GDPD5: variants seen among roughly 807,000 people sequenced by gnomAD.
GDPD5 encodes glycerophosphodiester phosphodiesterase domain containing 5.
Under a neutral mutation model 75.1 loss-of-function variants are expected in GDPD5, and 48 were observed. The observed-to-expected ratio is 0.64, with a 90% CI of 0.51 to 0.81. The LOEUF is 0.81. GDPD5 is among the 40% of genes least tolerant of loss of function. The probability of loss-of-function intolerance (pLI) is 0.00; values close to 1 mark genes in which losing one functional copy is unlikely to be tolerated. For synonymous variants in GDPD5, 336 were observed against 339.0 expected, an observed-to-expected ratio of 0.99 and a Z score of 0.10; for missense variants, 706 against 822.6, an observed-to-expected ratio of 0.86 and a Z score of 1.73.
intron 1 of GDPD5, among the ~76,000 whole-genome samples, chr11:75,511,252 T>C (rs561283722): frequency 6.6e-6 from 1 of 152,350 alleles, no homozygotes; most frequent in East Asian, 1.9e-4. Flanking sequence ...AATGCAGTCC[T>C]GGGCCAGGAA....
chr11:75,501,408 A>T (rs1393941965), intron 1 of GDPD5, among the ~76,000 whole-genome samples: 1 of 152,244 alleles, frequency 6.6e-6, no homozygotes, highest in Admixed American at 6.5e-5. Context: ...GACACAGGTG[A>T]CATGAGTGGG....
chr11:75,494,368 C>A (rs963850353), intron 1 of GDPD5, among the ~76,000 whole-genome samples: 1 of 151,984 alleles, frequency 6.6e-6, no homozygotes, highest in African/African-American at 2.4e-5. Context: ...CAGGCATGTG[C>A]CACCATGCCC....
intron 3 of GDPD5, among the ~76,000 whole-genome samples, chr11:75,473,313 C>T (rs985574237): frequency 2.6e-5 from 4 of 152,046 alleles, no homozygotes; most frequent in Non-Finnish European, 5.9e-5. Flanking sequence ...TACTCTCACT[C>T]GCTCCTGGGG....
intron 1 of GDPD5, among the ~76,000 whole-genome samples, chr11:75,513,821 A>G (rs1199342818): frequency 1.3e-5 from 2 of 152,186 alleles, no homozygotes; most frequent in African/African-American, 2.4e-5. Context: ...CTAGACCAGG[A>G]GACCACCTGG....
chr11:75,446,962 C>A (rs1227727950), intron 9 of GDPD5, among the ~76,000 whole-genome samples: 1 of 152,130 alleles, frequency 6.6e-6, no homozygotes, highest in East Asian at 1.9e-4. Flanking sequence ...CGGCTCGCTG[C>A]AACCTCCGCC....
rs992941340 is a variant in GDPD5 at position 75,478,628 on chromosome 11, G to C, written c.-60-833C>G. 3.3e-5 allele frequency among the ~76,000 whole-genome samples: 5 copies of C among 152,190 alleles called. No homozygotes were observed. In the East Asian group the frequency reaches 9.6e-4, roughly 29 times the overall value. On this transcript the variant is annotated intron_variant, in intron 2 of 16. Transcript: ENST00000336898. ...ATAATGCAGTTTTCATGAAGGCAAG[G>C]ATTTTTGTCTGTTGTATTTTCTGCT...
At chr11:75,516,604 G>A (rs1047423866) in intron 1 of GDPD5, among the ~76,000 whole-genome samples, 5 of 152,202 alleles carry the variant, frequency 3.3e-5, no homozygotes, top group Admixed American at 1.3e-4. Flanking sequence ...TGGGAGACAG[G>A]GAGCGTGGAC....
At chr11:75,449,181 G>C in intron 8 of GDPD5, 59 bp from the exon 9 acceptor site, 3 of 1,517,910 alleles carry the variant, frequency 2.0e-6, no homozygotes, top group Non-Finnish European at 2.7e-6. Context: ...GGGGTGCAAT[G>C]CTGGACCCCT....
intron 1 of GDPD5, among the ~76,000 whole-genome samples, chr11:75,500,596 C>A (rs1950288433): frequency 1.3e-5 from 2 of 152,292 alleles, no homozygotes; most frequent in Admixed American, 1.3e-4. Flanking sequence ...TCATCCACCC[C>A]ACGGTTTCAA....
intron 1 of GDPD5, among the ~76,000 whole-genome samples, chr11:75,514,636 C>T (rs1242692877): frequency 6.6e-6 from 1 of 152,230 alleles, no homozygotes; most frequent in Admixed American, 6.5e-5. Context: ...AAAATCAACA[C>T]CTGGTCACCC....
chr11:75,468,018 G>C (rs534827950), intron 3 of GDPD5, among the ~76,000 whole-genome samples: 36 of 152,322 alleles, frequency 2.4e-4, no homozygotes, highest in African/African-American at 6.7e-4. Flanking sequence ...TACAGTCACA[G>C]AGCACGACTG....
intron 1 of GDPD5, among the ~76,000 whole-genome samples, chr11:75,514,923 GT>G (rs755333291): frequency 3.9e-5 from 6 of 152,206 alleles, no homozygotes; most frequent in Non-Finnish European, 7.3e-5. Context: ...AGCCTGGAAG[GT>G]AAGTGTTGCT....
chr11:75,496,734 C>T (rs1313199246), intron 1 of GDPD5, among the ~76,000 whole-genome samples: 1 of 152,014 alleles, frequency 6.6e-6, no homozygotes, highest in Non-Finnish European at 1.5e-5. Context: ...CGCCTCTTAG[C>T]CTCCCGCTGC....
intron 11 of GDPD5, 68 bp from the exon 12 acceptor site, chr11:75,442,649 G>A: frequency 7.0e-7 from 1 of 1,436,334 alleles, no homozygotes; most frequent in Non-Finnish European, 9.7e-7. Flanking sequence ...ATACCCTTCT[G>A]GCAACCAAGC....
chr11:75,437,231 C>T, intron 15 of GDPD5, 183 bp from the exon 16 acceptor site: 1 of 572,388 alleles, frequency 1.7e-6, no homozygotes, highest in Non-Finnish European at 3.1e-6. Flanking sequence ...AGCCTACTGA[C>T]TCTCGGCCAG....
intron 3 of GDPD5, among the ~76,000 whole-genome samples, chr11:75,464,426 A>G (rs571063028): frequency 6.6e-6 from 1 of 152,266 alleles, no homozygotes; most frequent in South Asian, 2.1e-4. Flanking sequence ...AACGTAGGAA[A>G]GGCCTTCACA....
intron 12 of GDPD5, 83 bp downstream of exon 12, chr11:75,442,280 G>T: frequency 9.6e-7 from 1 of 1,044,686 alleles, no homozygotes; most frequent in Non-Finnish European, 1.4e-6. Flanking sequence ...GAAGTCCGGA[G>T]TGCAACAGGG....
chr11:75,455,035 C>A (rs997879623), intron 6 of GDPD5, among the ~76,000 whole-genome samples: 12 of 152,156 alleles, frequency 7.9e-5, no homozygotes, highest in South Asian at 4.1e-4. Flanking sequence ...CTGAAAGGAC[C>A]CTGCTCATGC....
chr11:75,455,249 C>T (rs924929806), intron 6 of GDPD5: 3 of 453,318 alleles, frequency 6.6e-6, no homozygotes, highest in African/African-American at 6.0e-5. Context: ...ACAGCATGTG[C>T]CAGCCCCACC....
Sources: allele counts gnomAD v4.1 joint callset (sites outside exome capture counted in the v4.1 genomes callset), GRCh38; gene constraint gnomAD v4.1.1; transcripts MANE v1.5; gene names NCBI Gene and HGNC (gene_info 2026-07-23, HGNC 2026-07-21).